PSIP1: variants seen among roughly 807,000 people sequenced by gnomAD.
PSIP1 encodes the protein PC4 and SRSF1 interacting protein 1, also known as PC4 and SFRS1-interacting protein.
Under a neutral mutation model 74.7 loss-of-function variants are expected in PSIP1, and 19 were observed. That is an observed-to-expected ratio of 0.25 (90% confidence interval 0.18 to 0.37). The LOEUF (loss-of-function observed/expected upper bound fraction) is 0.37. Ranked by LOEUF, PSIP1 falls within the 10% of genes least tolerant of loss-of-function variation. The pLI is 1.00. For missense variants in PSIP1, 601 were observed against 614.3 expected, an observed-to-expected ratio of 0.98 and a Z score of 0.23; for synonymous variants, 222 against 195.3, an observed-to-expected ratio of 1.14 and a Z score of -1.14.
intron 15 of PSIP1, chr9:15,465,986 T>G (rs2035598725): frequency 6.2e-6 from 1 of 160,876 alleles, no homozygotes; most frequent in Non-Finnish European, 1.4e-5. Flanking sequence ...AATTTCAGAA[T>G]TAGAAGGGAT....
chr9:15,471,088 A>G, intron 10 of PSIP1: 1 of 1,536,444 alleles, frequency 6.5e-7, no homozygotes, highest in Non-Finnish European at 8.7e-7. Context: ...AATGGGGGGA[A>G]GGGGGAAATT....
At chr9:15,478,039 G>A (rs938604269) in intron 8 of PSIP1, among the ~76,000 whole-genome samples, 3 of 149,324 alleles carry the variant, frequency 2.0e-5, no homozygotes, top group African/African-American at 7.4e-5. Context: ...AAAGTGGGAA[G>A]AGGCTCCTTG....
chr9:15,489,734 G>A (rs76170859), intron 4 of PSIP1, among the ~76,000 whole-genome samples: 6,550 of 151,590 alleles, frequency 0.043, 470 homozygotes, highest in African/African-American at 0.15. Context: ...ATTCAATGAC[G>A]TATTAAACCC....
At chr9:15,485,400 T>G (rs2036517037) in intron 6 of PSIP1, among the ~76,000 whole-genome samples, 1 of 152,232 alleles carries the variant, frequency 6.6e-6, no homozygotes, top group African/African-American at 2.4e-5. Flanking sequence ...CTGTAATTAT[T>G]TATTTTCATA....
intron 9 of PSIP1, 81 bp downstream of exon 9, chr9:15,473,928 A>AAAAAAAAAAC (rs1438012108): frequency 2.5e-6 from 2 of 806,938 alleles, no homozygotes; most frequent in Non-Finnish European, 1.7e-6. Context: ...AAAAAAAAAC[A>AAAAAAAAAAC]AAAAAAAAAC....
intron 3 of PSIP1, among the ~76,000 whole-genome samples, chr9:15,497,616 C>T (rs1044811118): frequency 2.0e-5 from 3 of 151,992 alleles, no homozygotes; most frequent in Non-Finnish European, 2.9e-5. Flanking sequence ...TGAGCCACCG[C>T]GCCCGGCTGA....
chr9:15,468,886 G>T (rs960029002), intron 13 of PSIP1, 43 bp from the exon 14 acceptor site: 9 of 1,603,578 alleles, frequency 5.6e-6, no homozygotes, highest in Non-Finnish European at 7.7e-6. Context: ...TTTCCTAATT[G>T]ATTTTTTAAA....
chr9:15,489,879 TAGTATGAAATTCCCAA>T (rs1235395496), intron 4 of PSIP1, 91 bp downstream of exon 4: 3 of 925,668 alleles, frequency 3.2e-6, no homozygotes, highest in Non-Finnish European at 4.5e-6. Flanking sequence ...CACAACAAAC[TAGTATGAAATTCCCAA>T]GGCTTTTAGT....
chr9:15,503,482 C>A (rs866262887), intron 3 of PSIP1, among the ~76,000 whole-genome samples: 2 of 151,952 alleles, frequency 1.3e-5, no homozygotes, highest in African/African-American at 2.4e-5. Flanking sequence ...TGTAGCAAGA[C>A]CCCATCTCTA....
rs552711871 is a variant in PSIP1, at chr9:15,489,742, C to T, written c.288+244G>A. 2.7e-4 allele frequency among the ~76,000 whole-genome samples: 41 copies of T among 151,660 alleles called. No individual in the cohort carries two copies. The South Asian group carries it at 5.2e-3, about 19-fold the overall frequency. On this transcript the variant is annotated intron_variant, in intron 4 of 15. Transcript: ENST00000380733. The stretch of plus-strand genomic sequence containing the variant: ...GCTTTATATTCAATGACGTATTAAA[C>T]CCTCTATCAGGAGTTAAATAACTGA...
intron 4 of PSIP1, among the ~76,000 whole-genome samples, chr9:15,488,222 C>T (rs1049794570): frequency 6.6e-6 from 1 of 152,038 alleles, no homozygotes. Context: ...ATCCCAGCTA[C>T]TCAGGAGGCT....
intron 2 of PSIP1, among the ~76,000 whole-genome samples, chr9:15,508,253 TCTAAA>T (rs1315411883): frequency 3.3e-5 from 5 of 152,144 alleles, no homozygotes; most frequent in Non-Finnish European, 7.3e-5. Flanking sequence ...AAATATGGAC[TCTAAA>T]CTCTACAGCA....
At chr9:15,476,913 G>T (rs1233765880) in intron 8 of PSIP1, among the ~76,000 whole-genome samples, 1 of 152,164 alleles carries the variant, frequency 6.6e-6, no homozygotes, top group African/African-American at 2.4e-5. Flanking sequence ...GATGAGGAGG[G>T]CAGTATTTTC....
Position 15,486,080 on chromosome 9 carries a change from A to T in PSIP1, c.394-12T>A, listed in dbSNP as rs374965338. The stretch of plus-strand genomic sequence containing the variant: ...GCTTTAGTCACATCCTAAAAAAGAA[A>T]AAAGAAAACTGAATACTGAATAAAT... On this transcript the variant is annotated splice_polypyrimidine_tract_variant and intron_variant, in intron 5 of 15. Coordinates refer to ENST00000380733, the MANE Select transcript of PSIP1 (RefSeq NM_033222.5). 1 of 1,577,888 alleles carries T rather than the reference A, an allele frequency of 6.3e-7. No individual in the cohort carries two copies. The highest frequency in any genetic ancestry group is 8.7e-7 in the Non-Finnish European group (1 of 1,155,332).
At chr9:15,509,965 T>C (rs62571017) in intron 2 of PSIP1, 152 bp downstream of exon 2, 29,176 of 642,792 alleles carry the variant, frequency 0.045, 798 homozygotes, top group African/African-American at 0.07. Flanking sequence ...CGGGAGATTA[T>C]TGGGCAAAAA....
chr9:15,470,945 A>AAAC (rs1563866939), intron 10 of PSIP1: 1 of 1,148,404 alleles, frequency 8.7e-7, no homozygotes, highest in African/African-American at 1.6e-5. Flanking sequence ...AAAAAAAAAA[A>AAAC]AAAAAAAAAA....
At chr9:15,485,901 G>C (rs1373057048) in intron 6 of PSIP1, 105 bp downstream of exon 6, 3 of 1,044,606 alleles carry the variant, frequency 2.9e-6, no homozygotes, top group Non-Finnish European at 4.2e-6. Context: ...AAAGGGTTTA[G>C]AATAAAAGCT....
chr9:15,485,926 C>CA, intron 6 of PSIP1, 80 bp downstream of exon 6: 1 of 1,251,394 alleles, frequency 8.0e-7, no homozygotes, highest in East Asian at 2.4e-5. Context: ...TTTAAGGTTT[C>CA]ATTGTATCTA....
chr9:15,494,776 C>A (rs2132169637), intron 3 of PSIP1, among the ~76,000 whole-genome samples: 1 of 152,156 alleles, frequency 6.6e-6, no homozygotes, highest in East Asian at 1.9e-4. Flanking sequence ...AAACTGAAAT[C>A]ATCTCATTCC....
Sources: allele counts gnomAD v4.1 joint callset (sites outside exome capture counted in the v4.1 genomes callset), GRCh38; gene constraint gnomAD v4.1.1; transcripts MANE v1.5; gene names NCBI Gene and HGNC (gene_info 2026-07-23, HGNC 2026-07-21).